Variants in COLGALT1 observed in about 807,000 individuals in gnomAD.
COLGALT1 encodes the protein procollagen galactosyltransferase 1.
In COLGALT1, 43 loss-of-function variants were observed where a neutral mutation model predicts 60.8. The ratio of observed to expected loss-of-function variants is 0.71; its 90% CI spans 0.55 to 0.91. The LOEUF is 0.91. Ranked by LOEUF, COLGALT1 falls within the 40% of genes least tolerant of loss-of-function variation. The pLI is 0.00. For missense variants in COLGALT1, 845 were observed against 880.0 expected (o/e 0.96, Z 0.50); for synonymous variants, 369 against 374.2 (o/e 0.99, Z 0.16).
chr19:17,572,895 G>C (rs1216775237), intron 6 of COLGALT1, among the ~76,000 whole-genome samples: 1 of 152,178 alleles, frequency 6.6e-6, no homozygotes, highest in Non-Finnish European at 1.5e-5. Flanking sequence ...ATTGCAGCAG[G>C]AGGTGGTAGT....
At position 17,581,055 on chromosome 19, in the gene COLGALT1, G is replaced by A. The variant is rs73524017; in HGVS notation, c.1602-122G>A. Reference sequence around the variant, plus strand: ...CCCCCTCGCAGATCTGTCTCCATTTGTATCCCCTGCACACTTACGTTTTAA... The same window carrying A: ...CCCCCTCGCAGATCTGTCTCCATTTATATCCCCTGCACACTTACGTTTTAA... On this transcript the variant is annotated intron_variant, in intron 11 of 11. Coordinates refer to ENST00000252599, the MANE Select transcript of COLGALT1 (RefSeq NM_024656.4). 4.9e-3 allele frequency: 6,720 copies of A among 1,384,046 alleles called. 284 individuals are homozygous for A. In the African/African-American group the frequency reaches 0.087, roughly 18 times the overall value. The allele number at this position is 1,384,046 out of a possible 1,614,324, so 85.7% of individuals were successfully genotyped here.
intron 9 of COLGALT1, among the ~76,000 whole-genome samples, chr19:17,578,668 C>T (rs996160743): frequency 3.9e-5 from 6 of 152,296 alleles, no homozygotes; most frequent in South Asian, 4.1e-4. Flanking sequence ...CAGCCAAGAT[C>T]GTGCCACTGC....
At position 17,555,870 on chromosome 19, in the gene COLGALT1, C is replaced by T. The variant is rs1393843223; in HGVS notation, c.157C>T (p.Arg53Cys). The T allele has an allele frequency of 1.4e-6, 2 of 1,380,154 alleles. No homozygotes were observed. Among genetic ancestry groups the T allele is most frequent in the South Asian group, 1.5e-5 (1 of 65,948 alleles). The allele number at this position is 1,380,154 out of a possible 1,614,324, so 85.5% of individuals were successfully genotyped here. A position where few individuals can be genotyped will look rare whatever the true frequency, so the allele number is the denominator to read the frequency against. ...WSPESPLQAP[R>C]VLIALLARNA... ...CCCGGAGTCGCCCCTGCAGGCGCCG[C>T]GCGTGCTCATCGCGCTGTTGGCGCG... The change falls in exon 1 of 12, where the codon CGC becomes TGC. Residue 53 changes from arginine (R) to cysteine (C), a missense_variant. Physicochemically the swap from Arg to Cys is radical, Grantham distance 180. Coordinates refer to ENST00000252599, the MANE Select transcript of COLGALT1 (RefSeq NM_024656.4).
chr19:17,570,554 T>C (rs1273172614), intron 5 of COLGALT1, among the ~76,000 whole-genome samples: 3 of 151,868 alleles, frequency 2.0e-5, no homozygotes, highest in Non-Finnish European at 4.4e-5. Context: ...GCCAACAATT[T>C]TTACATTTTT....
chr19:17,577,003 T>TGGGGGCGGGG, intron 6 of COLGALT1, 192 bp from the exon 7 acceptor site: 2 of 587,582 alleles, frequency 3.4e-6, no homozygotes, highest in East Asian at 2.9e-5. Context: ...TGGCCAGGGC[T>TGGGGGCGGGG]TTGGGCTGCT....
intron 10 of COLGALT1, 111 bp from the exon 11 acceptor site, chr19:17,580,588 C>T: frequency 9.9e-7 from 1 of 1,013,736 alleles, no homozygotes; most frequent in Non-Finnish European, 1.5e-6. Context: ...TGCAAACATG[C>T]TGAGCCTGCT....
intron 2 of COLGALT1, 35 bp downstream of exon 2, chr19:17,559,456 G>T: frequency 6.7e-7 from 1 of 1,496,864 alleles, no homozygotes; most frequent in Non-Finnish European, 9.1e-7. Context: ...GTCTGATTGG[G>T]CTTTGCCTCT....
At chr19:17,575,951 G>A (rs2076338113) in intron 6 of COLGALT1, among the ~76,000 whole-genome samples, 2 of 152,138 alleles carry the variant, frequency 1.3e-5, no homozygotes, top group South Asian at 4.1e-4. Flanking sequence ...GGGAGACACA[G>A]TTCACCCCAT....
intron 3 of COLGALT1, 33 bp from the exon 4 acceptor site, chr19:17,567,373 G>A: frequency 1.2e-6 from 2 of 1,611,434 alleles, no homozygotes; most frequent in Non-Finnish European, 1.7e-6. Context: ...TGACCTGGCA[G>A]CCCATGCTGA....
intron 1 of COLGALT1, chr19:17,556,503 G>C: frequency 3.0e-6 from 3 of 985,138 alleles, no homozygotes; most frequent in Non-Finnish European, 3.6e-6. Context: ...GGCGTGGGTG[G>C]AGTCCAGGAC....
At chr19:17,577,301 G>T in intron 7 of COLGALT1, 30 bp downstream of exon 7, 1 of 1,610,772 alleles carries the variant, frequency 6.2e-7, no homozygotes, top group Non-Finnish European at 8.5e-7. Context: ...GAGGCGGGGC[G>T]GGGGCTGGAG....
chr19:17,567,268 C>T (rs11878403), intron 3 of COLGALT1, 138 bp from the exon 4 acceptor site: 132,921 of 1,154,120 alleles, frequency 0.12, 8,360 homozygotes, highest in East Asian at 0.22. Flanking sequence ...AACGGGGTCC[C>T]TGCTTCATTT....
chr19:17,568,130 G>A (rs1416978858), intron 4 of COLGALT1, among the ~76,000 whole-genome samples: 1 of 152,140 alleles, frequency 6.6e-6, no homozygotes, highest in Non-Finnish European at 1.5e-5. Flanking sequence ...GTGGTGTCAG[G>A]ATGGGACTTC....
In COLGALT1 at chr19:17,569,722, C is replaced by T. The variant is rs1386952675; in HGVS notation, c.829+1009C>T. Reference sequence around the variant, plus strand: ...AAAGTGCCGGGATTACAGGAGGGAGCCACTGCACCTGGGCCATTCTCCTAA... The same window carrying T: ...AAAGTGCCGGGATTACAGGAGGGAGTCACTGCACCTGGGCCATTCTCCTAA... On this transcript the variant is annotated intron_variant, in intron 5 of 11. Transcript: ENST00000252599. Among the ~76,000 whole-genome samples, 4 of 151,982 alleles carry T rather than the reference C, an allele frequency of 2.6e-5. No individual in the cohort carries two copies. The East Asian group carries it at 5.8e-4, about 22-fold the overall frequency.
At chr19:17,565,947 A>G (rs1488809184) in intron 3 of COLGALT1, 1 of 152,202 alleles carries the variant, frequency 6.6e-6, no homozygotes, top group Non-Finnish European at 1.5e-5. Flanking sequence ...TGGAAATGGT[A>G]TTCTCACGTT....
intron 5 of COLGALT1, among the ~76,000 whole-genome samples, chr19:17,572,201 G>C (rs1451998135): frequency 6.6e-6 from 1 of 151,972 alleles, no homozygotes; most frequent in Non-Finnish European, 1.5e-5. Context: ...TCAGCTACTA[G>C]GGAGGCTGAG....
rs1170449951 is a variant in COLGALT1, at chr19:17,583,001, G to A, written c.*1557G>A. 6.6e-6 allele frequency: 1 copy of A among 152,358 alleles called. No individual in the cohort carries two copies. The highest frequency in any genetic ancestry group is 1.5e-5 in the Non-Finnish European group (1 of 68,130). 9.4% of individuals were successfully genotyped at this position (152,358 alleles called of 1,614,324 possible). ...CTTTTAGGGGACCCAGCTGCACTGG[G>A]GCACTGCCCGTGGCCTGGGTAGGAC... On this transcript the variant is annotated 3_prime_UTR_variant, in exon 12 of 12. Coordinates refer to ENST00000252599, the MANE Select transcript of COLGALT1 (RefSeq NM_024656.4).
Position 17,577,424 on chromosome 19 carries a change from G to C in COLGALT1, c.1090G>C (p.Ala364Pro). 6.5e-7 allele frequency: 1 copy of C among 1,546,398 alleles called. No homozygotes were observed. Among genetic ancestry groups the C allele is most frequent in the Non-Finnish European group, 8.7e-7 (1 of 1,152,348 alleles). ...GGAGCGCATGCTGCGGGCGCTGCAG[G>C]CACAGGAGATCGAGTGCCGGCTGGT... ...RRERMLRALQ[A>P]QEIECRLVEA... Residue 364 changes from alanine to proline, a missense_variant, in exon 8 of 12, where the codon GCA becomes CCA. Coordinates refer to ENST00000252599, the MANE Select transcript of COLGALT1 (RefSeq NM_024656.4).
intron 3 of COLGALT1, among the ~76,000 whole-genome samples, chr19:17,561,159 C>G (rs1031524476): frequency 6.6e-6 from 1 of 151,612 alleles, no homozygotes; most frequent in Non-Finnish European, 1.5e-5. Flanking sequence ...GAGCCGAGAT[C>G]GTGCCACTGC....
Sources: gnomAD v4.1 joint callset for allele counts (sites outside exome capture counted in the v4.1 genomes callset) on GRCh38, gnomAD v4.1.1 for gene constraint, MANE v1.5 for transcripts, NCBI Gene and HGNC (gene_info 2026-07-23, HGNC 2026-07-21) for gene names.